The following LYPLAL1 variants were observed in gnomAD, a reference collection of about 807,000 sequenced individuals.
LYPLAL1 encodes the protein lysophospholipase like 1.
Under a neutral mutation model 19.7 loss-of-function variants are expected in LYPLAL1, and 23 were observed. That is an observed-to-expected ratio of 1.17 (90% confidence interval 0.84 to 1.65). The LOEUF (loss-of-function observed/expected upper bound fraction) is 1.65, where lower values mean the gene tolerates loss of function less well. LYPLAL1 is among the 40% of genes most tolerant of loss of function. The pLI is 0.00. For missense variants in LYPLAL1, 355 were observed against 279.4 expected (o/e 1.27, Z -1.93); for synonymous variants, 119 against 96.3 (o/e 1.24, Z -1.38).
the LYPLAL1 span, among the ~76,000 whole-genome samples, chr1:219,259,793 A>G: frequency 5.9e-5 from 9 of 151,596 alleles, no homozygotes; most frequent in African/African-American, 2.2e-4. Context: ...ATAAAAAAAT[A>G]TATAAATAAA....
the LYPLAL1 span, among the ~76,000 whole-genome samples, chr1:219,430,287 C>CA: frequency 0.44 from 30,330 of 69,520 alleles, 5,692 homozygotes; most frequent in Middle Eastern, 0.53. Context: ...GATCCTAGCT[C>CA]AAAAAAAAAA....
At chr1:219,236,937 G>A in the LYPLAL1 span, among the ~76,000 whole-genome samples, 20 of 152,142 alleles carry the variant, frequency 1.3e-4, no homozygotes, top group Admixed American at 1.2e-3. Context: ...CCCAGTGTGT[G>A]TTGTTCCCCT....
At chr1:219,233,741 C>T in the LYPLAL1 span, among the ~76,000 whole-genome samples, 32 of 149,372 alleles carry the variant, frequency 2.1e-4, 1 homozygote, top group East Asian at 5.9e-3. Flanking sequence ...CACTGCACCC[C>T]AGTCTCAGTG....
the LYPLAL1 span, among the ~76,000 whole-genome samples, chr1:219,228,003 G>A: frequency 6.6e-6 from 1 of 152,148 alleles, no homozygotes; most frequent in East Asian, 1.9e-4. Flanking sequence ...ACTTGTCACC[G>A]CCATGCTAAC....
At chr1:219,207,033 C>T (rs886538438) in intron 3 of LYPLAL1, among the ~76,000 whole-genome samples, 2 of 151,790 alleles carry the variant, frequency 1.3e-5, no homozygotes, top group Non-Finnish European at 2.9e-5. Context: ...CTATGGTAGC[C>T]ACTAGCTACA....
the LYPLAL1 span, among the ~76,000 whole-genome samples, chr1:219,235,239 T>C: frequency 1.3e-5 from 2 of 152,184 alleles, no homozygotes; most frequent in Admixed American, 6.5e-5. Flanking sequence ...TACTAACCAA[T>C]GTATTTGTTC....
At chr1:219,437,959 G>A in the LYPLAL1 span, among the ~76,000 whole-genome samples, 6 of 151,878 alleles carry the variant, frequency 4.0e-5, no homozygotes, top group African/African-American at 1.5e-4. Flanking sequence ...TAGAGATGGG[G>A]TTTCACCATG....
chr1:219,281,381 G>A, the LYPLAL1 span, among the ~76,000 whole-genome samples: 5 of 152,066 alleles, frequency 3.3e-5, no homozygotes, highest in Admixed American at 6.6e-5. Flanking sequence ...TTTGAAAATT[G>A]GAAAACAGTA....
chr1:219,218,494 C>A, the LYPLAL1 span, among the ~76,000 whole-genome samples: 1 of 119,232 alleles, frequency 8.4e-6, no homozygotes, highest in African/African-American at 2.9e-5. Context: ...AACATCGAGA[C>A]TTTTTTTGCC....
the LYPLAL1 span, among the ~76,000 whole-genome samples, chr1:219,404,194 T>C: frequency 6.6e-6 from 1 of 152,112 alleles, no homozygotes; most frequent in Non-Finnish European, 1.5e-5. Flanking sequence ...CATGACCTTA[T>C]CTAAACCTAA....
the LYPLAL1 span, among the ~76,000 whole-genome samples, chr1:219,337,993 T>G: frequency 1.2e-3 from 180 of 152,142 alleles, 1 homozygote; most frequent in African/African-American, 4.1e-3. Flanking sequence ...TTGTAGTTAT[T>G]TGGCCTCTAA....
intron 3 of LYPLAL1, among the ~76,000 whole-genome samples, chr1:219,208,077 T>C (rs1316679393): frequency 1.3e-5 from 2 of 152,016 alleles, no homozygotes; most frequent in Non-Finnish European, 2.9e-5. Flanking sequence ...TGAAATTCCT[T>C]TGTAAGTAAA....
chr1:219,244,355 C>T, the LYPLAL1 span, among the ~76,000 whole-genome samples: 14 of 152,094 alleles, frequency 9.2e-5, no homozygotes, highest in Admixed American at 2.0e-4. Flanking sequence ...TAGGAGAATG[C>T]CTCTTGGGTA....
the LYPLAL1 span, among the ~76,000 whole-genome samples, chr1:219,442,404 A>G: frequency 5.9e-5 from 9 of 152,206 alleles, no homozygotes; most frequent in Admixed American, 6.5e-5. Context: ...AGAAATTATC[A>G]TTTGGAAACA....
chr1:219,260,933 A>G, the LYPLAL1 span, among the ~76,000 whole-genome samples: 2 of 151,958 alleles, frequency 1.3e-5, no homozygotes, highest in African/African-American at 4.8e-5. Context: ...AAAATACTTG[A>G]GATTTCAAGC....
chr1:219,297,471 G>A, the LYPLAL1 span, among the ~76,000 whole-genome samples: 1 of 152,192 alleles, frequency 6.6e-6, no homozygotes, highest in African/African-American at 2.4e-5. Flanking sequence ...TGCTGTGTCT[G>A]TTTTGGGCAG....
chr1:219,270,780 G>C, the LYPLAL1 span: 1 of 152,050 alleles, frequency 6.6e-6, no homozygotes, highest in Non-Finnish European at 1.5e-5. Flanking sequence ...TGCTTTTTTT[G>C]ATGTTGTTGT....
At chr1:219,302,783 A>G in the LYPLAL1 span, among the ~76,000 whole-genome samples, 2 of 151,210 alleles carry the variant, frequency 1.3e-5, no homozygotes, top group African/African-American at 4.9e-5. Context: ...ACTTTTTCAC[A>G]TCCTTCTATT....
the LYPLAL1 span, among the ~76,000 whole-genome samples, chr1:219,337,502 A>C: frequency 6.6e-6 from 1 of 152,030 alleles, no homozygotes; most frequent in African/African-American, 2.4e-5. Context: ...GCAGGAGCAC[A>C]TGGGAGATTT....
Sources: gnomAD v4.1 joint callset for allele counts (sites outside exome capture counted in the v4.1 genomes callset) on GRCh38, gnomAD v4.1.1 for gene constraint, MANE v1.5 for transcripts, NCBI Gene and HGNC (gene_info 2026-07-23, HGNC 2026-07-21) for gene names.